Variants in ELAPOR1 observed in about 807,000 individuals in gnomAD.
ELAPOR1 encodes the protein endosome-lysosome associated apoptosis and autophagy regulator 1, also known as endosome/lysosome-associated apoptosis and autophagy regulator 1.
ELAPOR1 carries 77 observed loss-of-function variants against 119.7 expected under a neutral mutation model. That is an observed-to-expected ratio of 0.64 (90% CI 0.54 to 0.78). The LOEUF (loss-of-function observed/expected upper bound fraction) is 0.78. Ranked by LOEUF, ELAPOR1 falls within the 30% of genes least tolerant of loss-of-function variation. The probability of loss-of-function intolerance (pLI) is 0.00; values close to 1 mark genes in which losing one functional copy is unlikely to be tolerated. For missense variants in ELAPOR1, 1,115 were observed against 1,270.4 expected, an observed-to-expected ratio of 0.88 and a Z score of 1.86; for synonymous variants, 481 against 487.2, an observed-to-expected ratio of 0.99 and a Z score of 0.17.
rs945567283 is a variant in ELAPOR1, at chr1:109,114,392, C to T, written c.153+56C>T. ...TGGTCACAAAAGTCTTGGATCCAGG[C>T]GGAGACCTTGGGGACCCAGGCGCAG... On this transcript the variant is annotated intron_variant, in intron 1 of 21. Transcript: ENST00000369939. 9.4e-6 allele frequency: 14 copies of T among 1,490,594 alleles called. No individual in the cohort carries two copies. The South Asian group carries it at 1.6e-4, about 17-fold the overall frequency. 92.3% of individuals were successfully genotyped at this position (1,490,594 alleles called of 1,614,324 possible). A position where few individuals can be genotyped will look rare whatever the true frequency, so the allele number is the denominator to read the frequency against.
At chr1:109,160,507 G>A (rs760651808) in intron 1 of ELAPOR1, among the ~76,000 whole-genome samples, 6 of 152,172 alleles carry the variant, frequency 3.9e-5, no homozygotes, top group East Asian at 1.9e-4. Context: ...TGGAAAAAGC[G>A]TGCATCTTGG....
At chr1:109,138,523 G>A (rs575096665) in intron 1 of ELAPOR1, among the ~76,000 whole-genome samples, 2 of 147,096 alleles carry the variant, frequency 1.4e-5, no homozygotes, top group African/African-American at 2.5e-5. Context: ...TAGATAAAAT[G>A]TCAAACACAG....
At chr1:109,116,622 G>A (rs1648021898) in intron 1 of ELAPOR1, among the ~76,000 whole-genome samples, 1 of 151,712 alleles carries the variant, frequency 6.6e-6, no homozygotes, top group African/African-American at 2.4e-5. Flanking sequence ...ACAAGTTTGG[G>A]GGCTTCCAAC....
rs1652056638 is a variant in ELAPOR1 at position 109,173,546 on chromosome 1, A to C, written c.769A>C (p.Lys257Gln). 1 of 1,614,188 alleles carries C rather than the reference A, an allele frequency of 6.2e-7. No homozygotes were observed. The highest frequency in any genetic ancestry group is 1.6e-4 in the Middle Eastern group (1 of 6,062). Residue 257 changes from lysine to glutamine, a missense_variant, in exon 6 of 22, where the codon AAG (lysine) becomes CAG (glutamine). Coordinates refer to ENST00000369939, the MANE Select transcript of ELAPOR1 (RefSeq NM_020775.5). ...CTTCTCAGTATGGACCAAAGTACCC[A>C]AGCCTGTGCTGGTGAGAAACATTGC... The part of the protein sequence containing the change: ...TAFSVWTKVP[K>Q]PVLVRNIAIT...
chr1:109,152,589 T>A (rs1051848112), intron 1 of ELAPOR1, among the ~76,000 whole-genome samples: 4 of 152,282 alleles, frequency 2.6e-5, no homozygotes, highest in South Asian at 4.1e-4. Flanking sequence ...AATATAGCCA[T>A]TTATCAAAAT....
intron 1 of ELAPOR1, 56 bp downstream of exon 1, chr1:109,114,392 C>A: frequency 4.0e-6 from 6 of 1,490,712 alleles, no homozygotes; most frequent in Non-Finnish European, 5.4e-6. Context: ...TGGATCCAGG[C>A]GGAGACCTTG....
rs749910904 is a variant in ELAPOR1 at position 109,185,106 on chromosome 1, A to G, written c.1014A>G (p.Thr338=). The stretch of plus-strand genomic sequence containing the variant: ...GCACAGACAAAGATTATTTCTACAC[A>G]CACACGGCCTGCGATGCCAACGGAG... ...PACTDKDYFY[T]HTACDANGET... is the part of the protein sequence containing the mutation. The change falls in exon 8 of 22, where the codon ACA becomes ACG. Residue 338 remains threonine (T), a synonymous_variant. Coordinates refer to ENST00000369939, the MANE Select transcript of ELAPOR1 (RefSeq NM_020775.5). 6.2e-7 allele frequency: 1 copy of G among 1,614,124 alleles called. No individual in the cohort carries two copies. Among genetic ancestry groups the G allele is most frequent in the South Asian group, 1.1e-5 (1 of 91,080 alleles).
At chr1:109,182,381 A>G (rs1652752419) in intron 7 of ELAPOR1, among the ~76,000 whole-genome samples, 1 of 151,926 alleles carries the variant, frequency 6.6e-6, no homozygotes, top group African/African-American at 2.4e-5. Flanking sequence ...CATGCAGGTA[A>G]TAATAGTTAC....
rs764967663 is a variant in ELAPOR1, at chr1:109,114,336, G to A, written c.153G>A (p.Glu51=). 5 of 1,584,012 alleles carry A rather than the reference G, an allele frequency of 3.2e-6. No individual in the cohort carries two copies. The highest frequency in any genetic ancestry group is 3.6e-5 in the Admixed American group (2 of 55,582). ...GACCGGAGCTTCATGCCTGCAAAGA[G>A]GTACTGCCGCCCCCCTACCCGATCC... ...GTGPELHACK[E]SEYHYEYTAC... is the part of the protein sequence containing the mutation. Residue 51 remains glutamate, a splice_region_variant and synonymous_variant, in exon 1 of 22, where the codon GAG becomes GAA. Coordinates refer to ENST00000369939, the MANE Select transcript of ELAPOR1 (RefSeq NM_020775.5).
intron 1 of ELAPOR1, among the ~76,000 whole-genome samples, chr1:109,132,919 A>G (rs182892447): frequency 1.0e-3 from 152 of 151,808 alleles, no homozygotes; most frequent in African/African-American, 3.5e-3. Context: ...TATAAAATAA[A>G]AATTATGGCA....
intron 11 of ELAPOR1, among the ~76,000 whole-genome samples, chr1:109,189,970 G>GAA (rs916859211): frequency 6.6e-6 from 1 of 151,398 alleles, no homozygotes; most frequent in South Asian, 2.1e-4. Context: ...CTTAAGATTA[G>GAA]AAAAAAAATA....
rs548233248 is a variant in ELAPOR1 at position 109,189,753 on chromosome 1, T to C, written c.1439+71T>C. ...TCCGAATCCCACGTATTTTGGAATA[T>C]TGTAGAGGAGAGGGCTTCCGGGGTT... On this transcript the variant is annotated intron_variant, in intron 11 of 21. Coordinates refer to ENST00000369939, the MANE Select transcript of ELAPOR1 (RefSeq NM_020775.5). 2.5e-6 allele frequency: 3 copies of C among 1,190,748 alleles called. No individual in the cohort carries two copies. In the South Asian group the frequency reaches 3.8e-5, roughly 15 times the overall value. The allele number at this position is 1,190,748 out of a possible 1,614,324, so 73.8% of individuals were successfully genotyped here. A position where few individuals can be genotyped will look rare whatever the true frequency, so the allele number is the denominator to read the frequency against.
intron 13 of ELAPOR1, among the ~76,000 whole-genome samples, 188 bp downstream of exon 13, chr1:109,192,051 A>G (rs1226914600): frequency 2.0e-5 from 3 of 152,194 alleles, no homozygotes; most frequent in Non-Finnish European, 2.9e-5. Context: ...GACTTCCTGG[A>G]AAGATGACAC....
At chr1:109,187,229 C>T (rs575547927) in intron 8 of ELAPOR1, 191 of 985,370 alleles carry the variant, frequency 1.9e-4, no homozygotes, top group East Asian at 8.0e-4. Flanking sequence ...AGAGCTGGCC[C>T]GAGACAGTTT....
intron 21 of ELAPOR1, 83 bp downstream of exon 21, chr1:109,200,983 C>T (rs1198626230): frequency 1.3e-5 from 18 of 1,375,608 alleles, no homozygotes; most frequent in East Asian, 2.3e-5. Context: ...GGTCCTGTAC[C>T]GTTCAGGGAT....
intron 1 of ELAPOR1, among the ~76,000 whole-genome samples, chr1:109,121,142 G>T (rs1239231845): frequency 6.6e-6 from 1 of 152,032 alleles, no homozygotes; most frequent in Non-Finnish European, 1.5e-5. Context: ...TGTATTTCTT[G>T]AATTTTTTTT....
intron 1 of ELAPOR1, among the ~76,000 whole-genome samples, chr1:109,127,845 T>G (rs931099772): frequency 1.3e-5 from 2 of 151,616 alleles, no homozygotes; most frequent in Non-Finnish European, 2.9e-5. Context: ...ATTGCAGACA[T>G]GAGCCACTGC....
intron 1 of ELAPOR1, among the ~76,000 whole-genome samples, chr1:109,144,550 G>A (rs1216235940): frequency 6.6e-6 from 1 of 152,090 alleles, no homozygotes; most frequent in Non-Finnish European, 1.5e-5. Flanking sequence ...AGACCAGCTT[G>A]CCCAACATGG....
chr1:109,150,177 T>C (rs1244092580), intron 1 of ELAPOR1, among the ~76,000 whole-genome samples: 1 of 152,116 alleles, frequency 6.6e-6, no homozygotes, highest in Non-Finnish European at 1.5e-5. Flanking sequence ...CTACCCCAGG[T>C]CCGTGTGGAG....
Sources: allele counts gnomAD v4.1 joint callset (sites outside exome capture counted in the v4.1 genomes callset), GRCh38; gene constraint gnomAD v4.1.1; transcripts MANE v1.5; gene names NCBI Gene and HGNC (gene_info 2026-07-23, HGNC 2026-07-21).